Variants in GOLIM4 observed in about 807,000 individuals in gnomAD.
The protein encoded by GOLIM4 is golgi integral membrane protein 4.
In GOLIM4, 71 loss-of-function variants were observed where a neutral mutation model predicts 107.4. The ratio of observed to expected loss-of-function variants is 0.66; its 90% CI spans 0.55 to 0.81. The LOEUF is 0.81. Among genes scored for constraint, GOLIM4 ranks in the 30% least tolerant of loss-of-function variants. The pLI is 0.00. For synonymous variants in GOLIM4, 327 were observed against 294.8 expected (o/e 1.11, Z -1.12); for missense variants, 830 against 826.1 (o/e 1.00, Z -0.06).
At chr3:168,024,641 G>A in intron 13 of GOLIM4, 47 bp from the exon 14 acceptor site, 1 of 1,427,114 alleles carries the variant, frequency 7.0e-7, no homozygotes, top group Non-Finnish European at 9.9e-7. Flanking sequence ...CATCAGAGAT[G>A]CCTTTTACAC....
Position 168,080,817 on chromosome 3 carries a change from TA to T in GOLIM4, c.187+14281del, listed in dbSNP as rs374788481. On this transcript the variant is annotated intron_variant, in intron 1 of 15. Coordinates refer to ENST00000470487, the MANE Select transcript of GOLIM4 (RefSeq NM_014498.5). ...TAAAATATTTTTCTTTTTCCATACA[TA>T]AACTACTGTGAAATTTTTCAAAGCA... Among the ~76,000 whole-genome samples the T allele has an allele frequency of 4.9e-3, 748 of 151,244 alleles. 7 individuals carry two copies. The highest frequency in any genetic ancestry group is 0.018 in the African/African-American group (725 of 40,538).
chr3:168,078,704 T>C (rs1721188770), intron 1 of GOLIM4, among the ~76,000 whole-genome samples: 1 of 152,196 alleles, frequency 6.6e-6, no homozygotes, highest in South Asian at 2.1e-4. Context: ...AGGAAACTGA[T>C]TTAACAAAAG....
intron 8 of GOLIM4, among the ~76,000 whole-genome samples, chr3:168,033,317 T>C (rs1718439847): frequency 6.7e-6 from 1 of 149,506 alleles, no homozygotes; most frequent in Admixed American, 6.7e-5. Flanking sequence ...TAAAAAAGAA[T>C]GCCATTGGCC....
rs1553800149 is a variant in GOLIM4 at position 168,050,860 on chromosome 3, T to TAATAAA, written c.188-2496_188-2495insTTTATT. Among the ~76,000 whole-genome samples the TAATAAA allele has an allele frequency of 9.0e-3, 1,155 of 128,812 alleles. 23 individuals are homozygous for TAATAAA. The highest frequency in any genetic ancestry group is 0.031 in the African/African-American group (1,099 of 35,652). The allele number at this position is 128,812 out of a possible 152,430, so 84.5% of individuals were successfully genotyped here. On this transcript the variant is annotated intron_variant, in intron 1 of 15. Transcript: ENST00000470487. ...ATAATAATAATAATAATAATAATAA[T>TAATAAA]AATAATAATAAAACCTAGCAGCATA...
At chr3:168,015,552 T>C (rs1717314920) in intron 14 of GOLIM4, among the ~76,000 whole-genome samples, 1 of 137,128 alleles carries the variant, frequency 7.3e-6, no homozygotes, top group Non-Finnish European at 1.5e-5. Context: ...TTAAAGTTCA[T>C]ATGGAACCAA....
rs149469217 is a variant in GOLIM4, at chr3:168,029,898, G to C, written c.1315C>G (p.Leu439Val). The C allele has an allele frequency of 9.3e-6, 15 of 1,614,048 alleles. No homozygotes were observed. The highest frequency in any genetic ancestry group is 1.3e-5 in the Non-Finnish European group (15 of 1,180,036). ...EHQEALHQQR[L>V]QGHLLRQQEQ... ...TGCTGCCGTAGTAAGTGCCCCTGCAGCCTCTGCTGGTGCAAAGCTTCCTGG... is the reference window on the plus strand; with the variant it reads ...TGCTGCCGTAGTAAGTGCCCCTGCACCCTCTGCTGGTGCAAAGCTTCCTGG... The change falls in exon 10 of 16, where the codon CTG (leucine) becomes GTG (valine). Residue 439 changes from leucine to valine, a missense_variant. Physicochemically the swap from Leu to Val is conservative, Grantham distance 32. Coordinates refer to ENST00000470487, the MANE Select transcript of GOLIM4 (RefSeq NM_014498.5).
At chr3:168,058,752 G>A (rs1327253997) in intron 1 of GOLIM4, among the ~76,000 whole-genome samples, 1 of 152,026 alleles carries the variant, frequency 6.6e-6, no homozygotes, top group African/African-American at 2.4e-5. Context: ...TCCATAAAAA[G>A]GCTGCACTCT....
intron 14 of GOLIM4, 68 bp from the exon 15 acceptor site, chr3:168,010,891 C>T (rs1716973156): frequency 2.9e-6 from 3 of 1,038,978 alleles, no homozygotes; most frequent in East Asian, 2.4e-5. Context: ...TATATTTTGA[C>T]ACTGTTATCA....
At chr3:168,078,793 G>A (rs4955785) in intron 1 of GOLIM4, among the ~76,000 whole-genome samples, 74,643 of 151,936 alleles carry the variant, frequency 0.49, 19,418 homozygotes, top group African/African-American at 0.62. Flanking sequence ...AATATAGAAA[G>A]AGAAAAAGCA....
At chr3:168,089,415 T>C (rs1170178629) in intron 1 of GOLIM4, among the ~76,000 whole-genome samples, 2 of 152,186 alleles carry the variant, frequency 1.3e-5, no homozygotes, top group East Asian at 1.9e-4. Flanking sequence ...TCCTCAATCA[T>C]CCAAAATGCA....
At chr3:168,056,580 G>A (rs563112385) in intron 1 of GOLIM4, among the ~76,000 whole-genome samples, 26 of 152,322 alleles carry the variant, frequency 1.7e-4, no homozygotes, top group African/African-American at 6.0e-4. Flanking sequence ...AAGCCAAAGG[G>A]GCGGAGCTGC....
At chr3:168,027,133 C>A (rs1304443801) in intron 12 of GOLIM4, among the ~76,000 whole-genome samples, 2 of 152,196 alleles carry the variant, frequency 1.3e-5, no homozygotes, top group African/African-American at 4.8e-5. Flanking sequence ...TTTTGGTAAA[C>A]ACAAACAACA....
chr3:168,027,967 G>T, intron 11 of GOLIM4, 130 bp from the exon 12 acceptor site: 1 of 664,514 alleles, frequency 1.5e-6, no homozygotes. Context: ...CTCAACATAA[G>T]GCCTATGTCC....
At chr3:168,082,548 G>C (rs1721425127) in intron 1 of GOLIM4, among the ~76,000 whole-genome samples, 1 of 152,136 alleles carries the variant, frequency 6.6e-6, no homozygotes, top group Non-Finnish European at 1.5e-5. Flanking sequence ...CATGGACCCT[G>C]CTCGAACTCA....
At chr3:168,047,405 T>A (rs1463056174) in intron 2 of GOLIM4, among the ~76,000 whole-genome samples, 1 of 152,208 alleles carries the variant, frequency 6.6e-6, no homozygotes, top group African/African-American at 2.4e-5. Flanking sequence ...AGCCAAGCCA[T>A]CTTTAATGCT....
intron 9 of GOLIM4, among the ~76,000 whole-genome samples, chr3:168,030,403 A>G (rs989746864): frequency 6.6e-6 from 1 of 152,060 alleles, no homozygotes; most frequent in Non-Finnish European, 1.5e-5. Context: ...TAACTGGGCA[A>G]TCTGTGACCT....
chr3:168,028,361 C>T (rs1393112486), intron 11 of GOLIM4, among the ~76,000 whole-genome samples: 1 of 152,192 alleles, frequency 6.6e-6, no homozygotes, highest in Non-Finnish European at 1.5e-5. Flanking sequence ...CACATTCATA[C>T]TCAGACATTT....
intron 15 of GOLIM4, 119 bp downstream of exon 15, chr3:168,010,624 T>C (rs1716950477): frequency 2.3e-6 from 2 of 852,812 alleles, no homozygotes; most frequent in African/African-American, 1.7e-5. Flanking sequence ...TTAAATTCAG[T>C]GGTAACTCAG....
At chr3:168,082,852 C>G (rs1456965379) in intron 1 of GOLIM4, among the ~76,000 whole-genome samples, 6 of 152,116 alleles carry the variant, frequency 3.9e-5, no homozygotes, top group African/African-American at 1.2e-4. Flanking sequence ...AATTCAACAA[C>G]AACTTCTCAC....
Sources: gnomAD v4.1 joint callset for allele counts (sites outside exome capture counted in the v4.1 genomes callset) on GRCh38, gnomAD v4.1.1 for gene constraint, MANE v1.5 for transcripts, NCBI Gene and HGNC (gene_info 2026-07-23, HGNC 2026-07-21) for gene names.